The following SEL1L variants were observed in gnomAD, a reference collection of about 807,000 sequenced individuals.
The protein encoded by SEL1L is SEL1L adaptor subunit of SYVN1 ubiquitin ligase.
In SEL1L, 52 loss-of-function variants were observed where a neutral mutation model predicts 109.8. The ratio of observed to expected loss-of-function variants is 0.47; its 90% CI spans 0.38 to 0.60. The LOEUF (loss-of-function observed/expected upper bound fraction) is 0.60. Among genes scored for constraint, SEL1L ranks in the 20% least tolerant of loss-of-function variants. SEL1L has a pLI of 0.00. For synonymous variants in SEL1L, 373 were observed against 339.6 expected, an observed-to-expected ratio of 1.10 and a Z score of -1.08; for missense variants, 749 against 962.2, an observed-to-expected ratio of 0.78 and a Z score of 2.93.
chr14:81,498,171 T>C (rs1008183731), intron 9 of SEL1L, 125 bp from the exon 10 acceptor site: 1 of 960,066 alleles, frequency 1.0e-6, no homozygotes, highest in Non-Finnish European at 1.5e-6. Flanking sequence ...GTTTTTACAG[T>C]AGTCTATATA....
intron 19 of SEL1L, among the ~76,000 whole-genome samples, chr14:81,480,292 C>A (rs952962008): frequency 9.9e-5 from 15 of 152,116 alleles, no homozygotes; most frequent in African/African-American, 3.6e-4. Context: ...AGGGTTCACG[C>A]CATTCTCCTG....
intron 19 of SEL1L, 107 bp downstream of exon 19, chr14:81,484,118 G>T: frequency 2.6e-6 from 3 of 1,160,218 alleles, no homozygotes; most frequent in South Asian, 1.5e-5. Context: ...TAATTTAGTG[G>T]CCTGAAATCC....
chr14:81,525,489 T>C (rs1423130448), intron 3 of SEL1L, among the ~76,000 whole-genome samples: 1 of 152,034 alleles, frequency 6.6e-6, no homozygotes, highest in East Asian at 1.9e-4. Context: ...GTAAAAATTT[T>C]AAAATGGTAA....
At chr14:81,522,645 C>T (rs1884962731) in intron 3 of SEL1L, among the ~76,000 whole-genome samples, 1 of 152,184 alleles carries the variant, frequency 6.6e-6, no homozygotes, top group Non-Finnish European at 1.5e-5. Flanking sequence ...TCTCAGAATG[C>T]ATCCCCATTG....
intron 1 of SEL1L, among the ~76,000 whole-genome samples, chr14:81,531,651 C>G (rs1243956715): frequency 6.6e-6 from 1 of 151,872 alleles, no homozygotes; most frequent in African/African-American, 2.4e-5. Context: ...CCTCCTGGGG[C>G]TCACTCCATC....
At chr14:81,514,248 T>C (rs1884606241) in intron 3 of SEL1L, among the ~76,000 whole-genome samples, 1 of 152,224 alleles carries the variant, frequency 6.6e-6, no homozygotes, top group Admixed American at 6.5e-5. Context: ...ACAAAAGCTA[T>C]TCCTGAAGCT....
intron 2 of SEL1L, among the ~76,000 whole-genome samples, 189 bp from the exon 3 acceptor site, chr14:81,527,153 T>C (rs903279382): frequency 2.6e-5 from 4 of 152,192 alleles, no homozygotes; most frequent in Non-Finnish European, 5.9e-5. Context: ...TGTAGCCTTT[T>C]TGAATTTCAA....
intron 7 of SEL1L, 41 bp from the exon 8 acceptor site, chr14:81,499,559 C>T (rs772604707): frequency 7.1e-5 from 114 of 1,606,590 alleles, no homozygotes; most frequent in Middle Eastern, 5.2e-4. Flanking sequence ...CATAGGCACG[C>T]ATTTATTCAA....
chr14:81,498,536 C>T (rs1883874800), intron 8 of SEL1L, 42 bp from the exon 9 acceptor site: 1 of 1,418,948 alleles, frequency 7.0e-7, no homozygotes, highest in African/African-American at 1.4e-5. Flanking sequence ...GTTTCATGTA[C>T]TTCAGTGTCA....
In SEL1L at chr14:81,498,433, TAGTG is replaced by T. The variant is rs1334014764; in HGVS notation, c.949_952del (p.His317IlefsTer14). ...GATACCATGATTGGCAACAAGACGA[TAGTG>T]AGTCAGGGCAGATTCACAACTCTGG... is the stretch of plus-strand genomic sequence containing the variant. On this transcript the variant is annotated frameshift_variant, in exon 9 of 21. Coordinates refer to ENST00000336735, the MANE Select transcript of SEL1L (RefSeq NM_005065.6). LOFTEE classifies it high-confidence loss of function. The T allele has an allele frequency of 6.2e-7, 1 of 1,613,804 alleles. No homozygotes were observed.
chr14:81,509,683 A>C (rs1421676553), intron 3 of SEL1L, among the ~76,000 whole-genome samples: 4 of 152,268 alleles, frequency 2.6e-5, no homozygotes, highest in African/African-American at 9.6e-5. Flanking sequence ...GTCGGCCAGA[A>C]GATGGGTAAA....
chr14:81,487,193 T>C (rs1328468768), intron 16 of SEL1L, among the ~76,000 whole-genome samples, 197 bp downstream of exon 16: 4 of 152,088 alleles, frequency 2.6e-5, no homozygotes, highest in Admixed American at 6.5e-5. Context: ...ATACAGTTGA[T>C]TGTAATAGGG....
At chr14:81,483,766 T>C (rs973108869) in intron 19 of SEL1L, among the ~76,000 whole-genome samples, 2 of 152,208 alleles carry the variant, frequency 1.3e-5, no homozygotes, top group African/African-American at 2.4e-5. Context: ...AGGGGGTCTG[T>C]AGTTTTTCCA....
intron 3 of SEL1L, among the ~76,000 whole-genome samples, chr14:81,518,144 T>C (rs1469503807): frequency 1.3e-5 from 2 of 151,518 alleles, no homozygotes; most frequent in Non-Finnish European, 2.9e-5. Context: ...CCACCTGCCT[T>C]GGCCTCCCAA....
rs763965711 is a variant in SEL1L at position 81,499,501 on chromosome 14, T to C, written c.849A>G (p.Thr283=). 1 of 1,612,728 alleles carries C rather than the reference T, an allele frequency of 6.2e-7. No homozygotes were observed. Among genetic ancestry groups the C allele is most frequent in the Non-Finnish European group, 8.5e-7 (1 of 1,179,638 alleles). ...SSQAKALVYY[T]FGALGGNLIA... is the part of the protein sequence containing the mutation. ...TTAGATTGCCCCCAAGAGCTCCAAATGTATAATATACAAGAGCCTGTGAAA... is the reference window on the plus strand; with the variant it reads ...TTAGATTGCCCCCAAGAGCTCCAAACGTATAATATACAAGAGCCTGTGAAA... The change falls in exon 8 of 21, where the codon ACA becomes ACG. Residue 283 remains threonine (T), a synonymous_variant. Transcript: ENST00000336735.
In SEL1L at chr14:81,477,029, C is replaced by CCT; in HGVS notation, c.2327_2328insAG (p.Pro777GlyfsTer27). 6.2e-7 allele frequency: 1 copy of CCT among 1,614,168 alleles called. No individual in the cohort carries two copies. On this transcript the variant is annotated frameshift_variant, in exon 21 of 21. Transcript: ENST00000336735. LOFTEE classifies it high-confidence loss of function. ...CCTGCTGGGGTGGAGCTGGCCGTGG[C>CCT]CCTGGAGGCCTGGGTGCAGGCATGT... is the stretch of plus-strand genomic sequence containing the variant.
intron 10 of SEL1L, among the ~76,000 whole-genome samples, chr14:81,496,305 G>C (rs368623010): frequency 5.6e-4 from 85 of 151,970 alleles, no homozygotes; most frequent in African/African-American, 2.0e-3. Context: ...GCCTGGGCGA[G>C]AGCGAGACTC....
In SEL1L at chr14:81,486,294, TC is replaced by T. The variant is rs1903517686; in HGVS notation, c.1792del (p.Asp598IlefsTer8). On this transcript the variant is annotated frameshift_variant, in exon 17 of 21. Transcript: ENST00000336735. LOFTEE classifies it high-confidence loss of function. ...AGGACTAAAATGAACCTTACTCTGA[TC>T]AAGAATAAAGGCTGCATTGCTTTGT... ...VAQSNAAFIL[D>X]QREASIVGEN... The T allele has an allele frequency of 6.2e-7, 1 of 1,614,000 alleles. No homozygotes were observed.
intron 20 of SEL1L, among the ~76,000 whole-genome samples, chr14:81,478,111 TCTGA>T (rs1465930270): frequency 6.6e-6 from 1 of 152,236 alleles, no homozygotes; most frequent in Admixed American, 6.5e-5. Flanking sequence ...ACTGATACTT[TCTGA>T]CTTTTATTAT....
Sources: allele counts gnomAD v4.1 joint callset (sites outside exome capture counted in the v4.1 genomes callset), GRCh38; gene constraint gnomAD v4.1.1; transcripts MANE v1.5; gene names NCBI Gene and HGNC (gene_info 2026-07-23, HGNC 2026-07-21).